SLC24A3: variants seen among roughly 807,000 people sequenced by gnomAD.
SLC24A3 encodes the protein sodium/potassium/calcium exchanger 3.
In SLC24A3, 28 loss-of-function variants were observed where a neutral mutation model predicts 75.8. That is an observed-to-expected ratio of 0.37 (90% CI 0.27 to 0.51). The LOEUF (loss-of-function observed/expected upper bound fraction) is 0.51, where lower values mean the gene tolerates loss of function less well. SLC24A3 is among the 20% of genes least tolerant of loss of function. SLC24A3 has a pLI of 0.94. For synonymous variants in SLC24A3, 372 were observed against 334.1 expected (o/e 1.11, Z -1.24); for missense variants, 663 against 847.8 (o/e 0.78, Z 2.71).
chr20:19,681,709 A>G (rs1600337886), intron 9 of SLC24A3, 149 bp from the exon 10 acceptor site: 10 of 1,187,370 alleles, frequency 8.4e-6, no homozygotes, highest in East Asian at 2.5e-5. Context: ...TCTGAGGGGG[A>G]ATGGGTTGAG....
chr20:19,327,711 T>C (rs1171651503), intron 2 of SLC24A3, among the ~76,000 whole-genome samples: 2 of 152,228 alleles, frequency 1.3e-5, no homozygotes, highest in East Asian at 3.9e-4. Context: ...TTTCTTGGTT[T>C]CCCCTACTTT....
chr20:19,608,995 T>C (rs2031634938), intron 6 of SLC24A3, among the ~76,000 whole-genome samples: 1 of 152,182 alleles, frequency 6.6e-6, no homozygotes, highest in South Asian at 2.1e-4. Flanking sequence ...ACGTGTTGAA[T>C]GATGTCTCCA....
chr20:19,459,408 T>C (rs565719162), intron 2 of SLC24A3, among the ~76,000 whole-genome samples: 1 of 152,124 alleles, frequency 6.6e-6, no homozygotes, highest in Non-Finnish European at 1.5e-5. Context: ...TTGACCTCCC[T>C]TGTTAGTAAC....
intron 1 of SLC24A3, among the ~76,000 whole-genome samples, chr20:19,246,057 CAT>C (rs761715020): frequency 2.6e-4 from 40 of 152,066 alleles, no homozygotes; most frequent in African/African-American, 5.6e-4. Context: ...AAGAATAAAA[CAT>C]GTGTAAGAAT....
intron 15 of SLC24A3, among the ~76,000 whole-genome samples, chr20:19,699,063 T>G (rs1156357486): frequency 6.6e-6 from 1 of 152,258 alleles, no homozygotes; most frequent in Non-Finnish European, 1.5e-5. Context: ...TTTATATCAT[T>G]TTTATATGTC....
chr20:19,665,254 C>A (rs1302385515), intron 7 of SLC24A3, among the ~76,000 whole-genome samples: 1 of 152,118 alleles, frequency 6.6e-6, no homozygotes, highest in East Asian at 1.9e-4. Context: ...ATGGGATTTG[C>A]AAACACCATT....
At chr20:19,452,796 G>T (rs8120460) in intron 2 of SLC24A3, among the ~76,000 whole-genome samples, 3 of 151,900 alleles carry the variant, frequency 2.0e-5, no homozygotes, top group African/African-American at 7.3e-5. Flanking sequence ...AGGAGGATCA[G>T]TTGAGGCCAG....
intron 1 of SLC24A3, among the ~76,000 whole-genome samples, chr20:19,252,320 T>C (rs532257952): frequency 6.6e-6 from 1 of 152,240 alleles, no homozygotes; most frequent in African/African-American, 2.4e-5. Flanking sequence ...AAGGGGCAGA[T>C]AGGAGGCAGG....
At chr20:19,323,282 G>A (rs908604545) in intron 2 of SLC24A3, among the ~76,000 whole-genome samples, 1 of 151,642 alleles carries the variant, frequency 6.6e-6, no homozygotes, top group African/African-American at 2.4e-5. Context: ...TGAGAATAGA[G>A]CTTTGTAATT....
chr20:19,666,177 T>C lies in SLC24A3; in HGVS notation c.713+288T>C, dbSNP rs545662521. Among the ~76,000 whole-genome samples the C allele has an allele frequency of 3.9e-5, 6 of 152,306 alleles. 1 individual carries two copies. In the South Asian group the frequency reaches 1.2e-3, roughly 32 times the overall value. ...ACATCATGGCTTAGCTGTGTCTTTC[T>C]ACAGTCAGCCATGTGCTAGGGTAGA... On this transcript the variant is annotated intron_variant, in intron 8 of 16. Coordinates refer to ENST00000328041, the MANE Select transcript of SLC24A3 (RefSeq NM_020689.4).
chr20:19,637,907 G>A (rs529029064), intron 6 of SLC24A3, among the ~76,000 whole-genome samples: 5 of 152,316 alleles, frequency 3.3e-5, no homozygotes, highest in Non-Finnish European at 7.3e-5. Flanking sequence ...AATAGATTAG[G>A]AGTATAAGAG....
chr20:19,666,309 A>G (rs1302299014), intron 8 of SLC24A3, among the ~76,000 whole-genome samples: 1 of 151,858 alleles, frequency 6.6e-6, no homozygotes, highest in Non-Finnish European at 1.5e-5. Context: ...GATCGAGACC[A>G]TCCTGGCTAA....
chr20:19,621,908 C>G (rs1454186830), intron 6 of SLC24A3, among the ~76,000 whole-genome samples: 1 of 152,210 alleles, frequency 6.6e-6, no homozygotes, highest in Admixed American at 6.5e-5. Flanking sequence ...AATGCCAAAT[C>G]TCCTGGTTGC....
At chr20:19,362,946 G>A (rs752424340) in intron 2 of SLC24A3, among the ~76,000 whole-genome samples, 1 of 152,232 alleles carries the variant, frequency 6.6e-6, no homozygotes, top group Middle Eastern at 3.2e-3. Context: ...CAGCAAACTT[G>A]CTGTGCCGTT....
chr20:19,472,724 A>G (rs1490565569), intron 2 of SLC24A3, among the ~76,000 whole-genome samples: 5 of 152,158 alleles, frequency 3.3e-5, no homozygotes, highest in African/African-American at 1.2e-4. Flanking sequence ...TTTCTGTTGG[A>G]TGAACGGGAT....
intron 14 of SLC24A3, among the ~76,000 whole-genome samples, 198 bp downstream of exon 14, chr20:19,697,109 C>T (rs1193303544): frequency 6.6e-6 from 1 of 151,850 alleles, no homozygotes; most frequent in Non-Finnish European, 1.5e-5. Flanking sequence ...GCCTCTCTAC[C>T]TGGGGGACCC....
intron 3 of SLC24A3, among the ~76,000 whole-genome samples, chr20:19,538,116 G>A (rs550345513): frequency 3.9e-5 from 6 of 152,260 alleles, no homozygotes; most frequent in African/African-American, 1.2e-4. Context: ...GTTAAGCCAC[G>A]GTGTGGTTTC....
chr20:19,500,211 A>G (rs964774404), intron 2 of SLC24A3, among the ~76,000 whole-genome samples: 10 of 152,130 alleles, frequency 6.6e-5, no homozygotes, highest in Non-Finnish European at 2.9e-5. Flanking sequence ...TGTTGAGAAA[A>G]AGCCACTCGA....
intron 7 of SLC24A3, 90 bp from the exon 8 acceptor site, chr20:19,665,774 C>G: frequency 2.1e-6 from 3 of 1,444,432 alleles, no homozygotes; most frequent in Non-Finnish European, 2.8e-6. Context: ...AAGGTGGATA[C>G]TGCGTGCAGC....
Sources: allele counts gnomAD v4.1 joint callset (sites outside exome capture counted in the v4.1 genomes callset), GRCh38; gene constraint gnomAD v4.1.1; transcripts MANE v1.5; gene names NCBI Gene and HGNC (gene_info 2026-07-23, HGNC 2026-07-21).